RSPH9: variants seen among roughly 807,000 people sequenced by gnomAD.
The protein encoded by RSPH9 is radial spoke head protein 9 homolog.
Under a neutral mutation model 27.0 loss-of-function variants are expected in RSPH9, and 27 were observed. The ratio of observed to expected loss-of-function variants is 1.00; its 90% confidence interval spans 0.74 to 1.38. The LOEUF (loss-of-function observed/expected upper bound fraction) is 1.38, where lower values mean the gene tolerates loss of function less well. RSPH9 is among the 40% of genes most tolerant of loss of function. The pLI is 0.00. For missense variants in RSPH9, 347 were observed against 357.4 expected (o/e 0.97, Z 0.24); for synonymous variants, 145 against 147.7 (o/e 0.98, Z 0.13).
chr6:43,645,264 G>C lies in RSPH9; in HGVS notation c.166G>C (p.Asp56His). Residue 56 changes from aspartate (D) to histidine (H), a missense_variant, in exon 1 of 5, where the codon GAT becomes CAT. Physicochemically the swap from Asp to His is moderately conservative, Grantham distance 81. Transcript: ENST00000372163. ...GGGCCGCATCCTTGGCCTCGTCGCC[G>C]ATTACTACATCGCGCAGGGCCTGAG... is the stretch of plus-strand genomic sequence containing the variant. ...FWGRILGLVA[D>H]YYIAQGLSED... The C allele has an allele frequency of 6.2e-7, 1 of 1,613,858 alleles. No individual in the cohort carries two copies. The highest frequency in any genetic ancestry group is 8.5e-7 in the Non-Finnish European group (1 of 1,179,968).
chr6:43,656,663 A>T lies in RSPH9; in HGVS notation c.610A>T (p.Lys204Ter). The T allele has an allele frequency of 6.2e-7, 1 of 1,614,208 alleles. No homozygotes were observed. The highest frequency in any genetic ancestry group is 8.5e-7 in the Non-Finnish European group (1 of 1,180,030). The change falls in exon 4 of 5, where the codon AAG becomes TAG. Residue 204 changes from lysine (K) to a stop codon, truncating the protein, a stop_gained. Transcript: ENST00000372163. LOFTEE classifies it high-confidence loss of function. ...GCTAAAGAATAAGACCTTGCTTGAG[A>T]AGGCTGACCTGGACCCCTCCCTGGA... Reference protein sequence around the residue: ...VELKNKTLLEKADLDPSLDFM... With the variant: ...VELKNKTLLE
rs747480033 is a variant in RSPH9 at position 43,645,087 on chromosome 6, G to A, written c.-12G>A. On this transcript the variant is annotated 5_prime_UTR_variant, in exon 1 of 5. Coordinates refer to ENST00000372163, the MANE Select transcript of RSPH9 (RefSeq NM_152732.5). ...AGCAACTCGACGGGCGTTGAGCGGA[G>A]CCGCTGACCTGATGGACGCCGACAG... The A allele has an allele frequency of 1.2e-6, 2 of 1,608,512 alleles. No homozygotes were observed. Among genetic ancestry groups the A allele is most frequent in the Non-Finnish European group, 1.7e-6 (2 of 1,179,064 alleles).
At chr6:43,668,167 CCCCGAGT>C (rs1460022370) in intron 4 of RSPH9, among the ~76,000 whole-genome samples, 1 of 152,168 alleles carries the variant, frequency 6.6e-6, no homozygotes, top group Admixed American at 6.5e-5. Flanking sequence ...GGGGGCTTTT[CCCCGAGT>C]CCTGGAGGCG....
intron 4 of RSPH9, among the ~76,000 whole-genome samples, chr6:43,665,975 A>C (rs1773097438): frequency 6.6e-6 from 1 of 151,950 alleles, no homozygotes; most frequent in Non-Finnish European, 1.5e-5. Context: ...ACAGGTGTGG[A>C]CCACCATGCC....
chr6:43,672,117 G>A lies in RSPH9; in HGVS notation c.*1168G>A, dbSNP rs76961401. On this transcript the variant is annotated 3_prime_UTR_variant, in exon 5 of 5. Transcript: ENST00000372163. ...TGGGCTCTTGCTGCCGCAAGCCTGT[G>A]TGGCCAGGTTCAGGCAGCCCAGGGC... is the stretch of plus-strand genomic sequence containing the variant. 215 of 626,012 alleles carry A rather than the reference G, an allele frequency of 3.4e-4. 1 individual carries two copies. The African/African-American group carries it at 3.6e-3, about 10-fold the overall frequency. The allele number at this position is 626,012 out of a possible 1,614,324, so 38.8% of individuals were successfully genotyped here. A position where few individuals can be genotyped will look rare whatever the true frequency, so the allele number is the denominator to read the frequency against.
At chr6:43,652,672 C>T (rs189242745) in intron 2 of RSPH9, among the ~76,000 whole-genome samples, 5 of 150,904 alleles carry the variant, frequency 3.3e-5, no homozygotes, top group East Asian at 3.9e-4. Context: ...GTGATCCGCC[C>T]GCCTCGGCCT....
chr6:43,660,284 G>GC (rs1772476832), intron 4 of RSPH9, among the ~76,000 whole-genome samples: 1 of 151,788 alleles, frequency 6.6e-6, no homozygotes, highest in Non-Finnish European at 1.5e-5. Context: ...CAAGTGATCT[G>GC]CCCACCTCAG....
intron 4 of RSPH9, among the ~76,000 whole-genome samples, chr6:43,660,350 C>G (rs187470482): frequency 6.6e-6 from 1 of 152,256 alleles, no homozygotes; most frequent in Non-Finnish European, 1.5e-5. Flanking sequence ...CCTCCACTGA[C>G]GTCTTGAACC....
chr6:43,661,786 T>C (rs1442093158), intron 4 of RSPH9, among the ~76,000 whole-genome samples: 1 of 152,178 alleles, frequency 6.6e-6, no homozygotes, highest in Non-Finnish European at 1.5e-5. Context: ...TAGCCAGGTC[T>C]TCTGGTTAAC....
At chr6:43,667,973 C>G (rs191497549) in intron 4 of RSPH9, among the ~76,000 whole-genome samples, 1 of 152,222 alleles carries the variant, frequency 6.6e-6, no homozygotes, top group Non-Finnish European at 1.5e-5. Context: ...GGTTTCCATA[C>G]TAGCAAGGTG....
At chr6:43,650,307 G>A (rs1771310197) in intron 1 of RSPH9, 68 bp from the exon 2 acceptor site, 2 of 1,578,214 alleles carry the variant, frequency 1.3e-6, no homozygotes, top group Admixed American at 1.7e-5. Flanking sequence ...TAGACAGAAG[G>A]GAAGATAATA....
intron 2 of RSPH9, among the ~76,000 whole-genome samples, chr6:43,651,466 G>A (rs1246212538): frequency 1.3e-5 from 2 of 152,148 alleles, no homozygotes; most frequent in Non-Finnish European, 2.9e-5. Context: ...GTACAAAAAG[G>A]AATATAGTAA....
At chr6:43,668,392 G>A (rs148525549) in intron 4 of RSPH9, among the ~76,000 whole-genome samples, 313 of 152,218 alleles carry the variant, frequency 2.1e-3, no homozygotes, top group Non-Finnish European at 3.4e-3. Flanking sequence ...GCTGTTTTCT[G>A]GCTGGCCCTA....
intron 4 of RSPH9, among the ~76,000 whole-genome samples, chr6:43,657,009 A>T (rs753496018): frequency 2.0e-5 from 3 of 152,170 alleles, no homozygotes; most frequent in Non-Finnish European, 4.4e-5. Context: ...GCAGGTTGGG[A>T]ATCTTCTCCC....
chr6:43,666,560 G>T, intron 4 of RSPH9: 1 of 1,306,842 alleles, frequency 7.7e-7, no homozygotes, highest in South Asian at 1.3e-5. Flanking sequence ...TGGCCAAAGT[G>T]ACAAGAGACA....
intron 1 of RSPH9, among the ~76,000 whole-genome samples, chr6:43,648,035 A>G (rs1211726591): frequency 6.6e-6 from 1 of 152,156 alleles, no homozygotes; most frequent in Non-Finnish European, 1.5e-5. Context: ...TTTGGGAGGC[A>G]GAGGCAGGTA....
chr6:43,645,348 C>T lies in RSPH9; in HGVS notation c.227+23C>T, dbSNP rs374725678. The T allele has an allele frequency of 5.5e-4, 879 of 1,586,018 alleles. 3 individuals carry two copies. Among genetic ancestry groups the T allele is most frequent in the Non-Finnish European group, 6.2e-4 (714 of 1,158,630 alleles). The stretch of plus-strand genomic sequence containing the variant: ...TAGGTGAGGAGGCCCCCGGGACGGG[C>T]TCCCCAGAGGGTGGCTACCTGGAGG... On this transcript the variant is annotated intron_variant, in intron 1 of 4. Coordinates refer to ENST00000372163, the MANE Select transcript of RSPH9 (RefSeq NM_152732.5).
At chr6:43,669,617 A>G (rs1773512369) in intron 4 of RSPH9, among the ~76,000 whole-genome samples, 1 of 152,222 alleles carries the variant, frequency 6.6e-6, no homozygotes, top group Non-Finnish European at 1.5e-5. Context: ...CTGGTCCAAC[A>G]CCAAAACTTT....
chr6:43,655,327 TC>T (rs201547659), intron 2 of RSPH9, among the ~76,000 whole-genome samples: 1,799 of 152,290 alleles, frequency 0.012, 37 homozygotes, highest in African/African-American at 0.041. Context: ...ACTGATTTTT[TC>T]CTGTAGTTTT....
Sources: gnomAD v4.1 joint callset for allele counts (sites outside exome capture counted in the v4.1 genomes callset) on GRCh38, gnomAD v4.1.1 for gene constraint, MANE v1.5 for transcripts, NCBI Gene and HGNC (gene_info 2026-07-23, HGNC 2026-07-21) for gene names.